SLC24A3: variants seen among roughly 807,000 people sequenced by gnomAD.
SLC24A3 encodes solute carrier family 24 member 3, also known as sodium/potassium/calcium exchanger 3.
A neutral mutation model predicts 75.8 loss-of-function variants in SLC24A3; 28 were observed. That is an observed-to-expected ratio of 0.37 (90% CI 0.27 to 0.51). The LOEUF is 0.51. SLC24A3 is among the 20% of genes least tolerant of loss of function. SLC24A3 has a pLI of 0.94. For synonymous variants in SLC24A3, 372 were observed against 334.1 expected, an observed-to-expected ratio of 1.11 and a Z score of -1.24; for missense variants, 663 against 847.8, an observed-to-expected ratio of 0.78 and a Z score of 2.71.
At chr20:19,344,860 A>T (rs1465382457) in intron 2 of SLC24A3, among the ~76,000 whole-genome samples, 1 of 152,072 alleles carries the variant, frequency 6.6e-6, no homozygotes, top group Non-Finnish European at 1.5e-5. Context: ...TCCACGTCAC[A>T]TGGAGGGCTT....
chr20:19,520,392 A>T (rs1049081897), intron 3 of SLC24A3, among the ~76,000 whole-genome samples: 2 of 152,108 alleles, frequency 1.3e-5, no homozygotes, highest in African/African-American at 2.4e-5. Flanking sequence ...AGAGCAGCAA[A>T]AGGGATGTTC....
chr20:19,485,685 A>C (rs1046452901), intron 2 of SLC24A3, among the ~76,000 whole-genome samples: 1 of 152,208 alleles, frequency 6.6e-6, no homozygotes, highest in Non-Finnish European at 1.5e-5. Flanking sequence ...GGTCCCAGTC[A>C]TACTGGCCTC....
At chr20:19,513,641 C>G (rs779641646) in intron 2 of SLC24A3, among the ~76,000 whole-genome samples, 1 of 151,622 alleles carries the variant, frequency 6.6e-6, no homozygotes, top group Non-Finnish European at 1.5e-5. Context: ...TCATGATGTT[C>G]CTGTCTTTTC....
intron 2 of SLC24A3, among the ~76,000 whole-genome samples, chr20:19,509,518 T>C (rs1988506063): frequency 6.6e-6 from 1 of 152,216 alleles, no homozygotes; most frequent in Admixed American, 6.5e-5. Context: ...CATACACTCT[T>C]TTCTTGGACA....
At chr20:19,511,305 G>T (rs1988532344) in intron 2 of SLC24A3, among the ~76,000 whole-genome samples, 1 of 151,848 alleles carries the variant, frequency 6.6e-6, no homozygotes, top group South Asian at 2.1e-4. Flanking sequence ...CTCTCACAGG[G>T]TAGGAGAAGA....
chr20:19,576,704 A>G (rs1196500528), intron 3 of SLC24A3, among the ~76,000 whole-genome samples: 1 of 152,182 alleles, frequency 6.6e-6, no homozygotes, highest in Non-Finnish European at 1.5e-5. Context: ...CGTGGATACA[A>G]CAGTGTGTTA....
intron 2 of SLC24A3, among the ~76,000 whole-genome samples, chr20:19,482,003 T>A (rs574786733): frequency 6.6e-6 from 1 of 152,232 alleles, no homozygotes; most frequent in East Asian, 1.9e-4. Flanking sequence ...TGCACACATC[T>A]CCACTGCAGA....
At chr20:19,604,254 CA>C (rs1367058681) in intron 6 of SLC24A3, among the ~76,000 whole-genome samples, 1 of 151,494 alleles carries the variant, frequency 6.6e-6, no homozygotes, top group Non-Finnish European at 1.5e-5. Flanking sequence ...GAGGGGCTGG[CA>C]TGAGCCACCA....
intron 2 of SLC24A3, among the ~76,000 whole-genome samples, chr20:19,288,189 G>A (rs1373002037): frequency 6.6e-6 from 1 of 152,216 alleles, no homozygotes; most frequent in East Asian, 1.9e-4. Flanking sequence ...AGGTTGGGCT[G>A]CGTGTAGGAG....
intron 13 of SLC24A3, among the ~76,000 whole-genome samples, chr20:19,695,097 GT>G (rs2032788781): frequency 6.6e-6 from 1 of 152,170 alleles, no homozygotes; most frequent in African/African-American, 2.4e-5. Flanking sequence ...GTTCTGCTCA[GT>G]ACTGAACAGA....
At chr20:19,221,043 T>A (rs1171587520) in intron 1 of SLC24A3, among the ~76,000 whole-genome samples, 3 of 152,202 alleles carry the variant, frequency 2.0e-5, no homozygotes, top group African/African-American at 7.2e-5. Flanking sequence ...AAACTTAAAC[T>A]TCTCTCCAGT....
At chr20:19,476,725 A>G (rs1398188394) in intron 2 of SLC24A3, among the ~76,000 whole-genome samples, 5 of 152,144 alleles carry the variant, frequency 3.3e-5, no homozygotes, top group South Asian at 2.1e-4. Context: ...AGTTGAAAGT[A>G]TGGGGCCTTC....
rs553275827 is a variant in SLC24A3, at chr20:19,594,219, C to A, written c.612+8675C>A. On this transcript the variant is annotated intron_variant, in intron 6 of 16. Transcript: ENST00000328041. ...CCACCTCTGTTCCTTCGACTGGTGT[C>A]CACTGAAGACTCCCTGGTCTTCCCT... Among the ~76,000 whole-genome samples the A allele has an allele frequency of 7.9e-5, 12 of 151,718 alleles. No individual in the cohort carries two copies. In the South Asian group the frequency reaches 2.1e-3, roughly 27 times the overall value.
chr20:19,702,099 A>G (rs748099350), intron 15 of SLC24A3, among the ~76,000 whole-genome samples: 4 of 152,232 alleles, frequency 2.6e-5, no homozygotes, highest in Non-Finnish European at 2.9e-5. Flanking sequence ...TCCTGACTAG[A>G]CATGGATATC....
At chr20:19,504,810 G>A (rs994624217) in intron 2 of SLC24A3, among the ~76,000 whole-genome samples, 1 of 152,232 alleles carries the variant, frequency 6.6e-6, no homozygotes, top group Admixed American at 6.5e-5. Flanking sequence ...TTTCTTTAAT[G>A]AGAATTCATT....
At chr20:19,619,290 A>G (rs2031775225) in intron 6 of SLC24A3, among the ~76,000 whole-genome samples, 1 of 152,146 alleles carries the variant, frequency 6.6e-6, no homozygotes, top group Non-Finnish European at 1.5e-5. Flanking sequence ...GGTAGCCACC[A>G]TGAAGCAAGC....
chr20:19,434,307 C>G (rs148120696), intron 2 of SLC24A3, among the ~76,000 whole-genome samples: 1 of 152,102 alleles, frequency 6.6e-6, no homozygotes, highest in Non-Finnish European at 1.5e-5. Flanking sequence ...CACTCCGCAG[C>G]GAGGGCTTGG....
At chr20:19,599,975 T>G (rs1053934332) in intron 6 of SLC24A3, among the ~76,000 whole-genome samples, 10 of 152,328 alleles carry the variant, frequency 6.6e-5, no homozygotes, top group African/African-American at 2.4e-4. Context: ...TGTGCTTTCC[T>G]GTTTTGGAAA....
At chr20:19,598,857 T>C (rs1014312908) in intron 6 of SLC24A3, among the ~76,000 whole-genome samples, 2 of 152,014 alleles carry the variant, frequency 1.3e-5, no homozygotes, top group Non-Finnish European at 2.9e-5. Context: ...AGCATCTTTG[T>C]GCTTGACCTT....
Sources: allele counts gnomAD v4.1 joint callset (sites outside exome capture counted in the v4.1 genomes callset), GRCh38; gene constraint gnomAD v4.1.1; transcripts MANE v1.5; gene names NCBI Gene and HGNC (gene_info 2026-07-23, HGNC 2026-07-21).